The following SGCZ variants were observed in gnomAD, a reference collection of about 807,000 sequenced individuals.
SGCZ encodes zeta-sarcoglycan.
SGCZ carries 40 observed loss-of-function variants against 41.3 expected under a neutral mutation model. That is an observed-to-expected ratio of 0.97 (90% CI 0.75 to 1.26). The LOEUF (loss-of-function observed/expected upper bound fraction) is 1.26. Among genes scored for constraint, SGCZ ranks in the 50% most tolerant of loss-of-function variants. SGCZ has a pLI of 0.00. For missense variants in SGCZ, 552 were observed against 369.8 expected, an observed-to-expected ratio of 1.49 and a Z score of -4.04; for synonymous variants, 206 against 137.5, an observed-to-expected ratio of 1.50 and a Z score of -3.49.
At chr8:14,353,794 T>C (rs1021971897) in intron 2 of SGCZ, among the ~76,000 whole-genome samples, 1 of 152,094 alleles carries the variant, frequency 6.6e-6, no homozygotes, top group Non-Finnish European at 1.5e-5. Flanking sequence ...CTTTAAAATG[T>C]TCTCCTAGAG....
intron 2 of SGCZ, among the ~76,000 whole-genome samples, chr8:14,483,024 G>A (rs1226935259): frequency 6.6e-6 from 1 of 151,884 alleles, no homozygotes; most frequent in Non-Finnish European, 1.5e-5. Flanking sequence ...TATTGCTTCT[G>A]TTTTCTCTAG....
intron 1 of SGCZ, among the ~76,000 whole-genome samples, chr8:15,095,197 C>A (rs944521853): frequency 8.5e-5 from 13 of 152,136 alleles, no homozygotes; most frequent in Non-Finnish European, 1.8e-4. Context: ...CTCCCGGGTT[C>A]AAGCGACTCT....
chr8:14,996,265 A>G (rs1802214468), intron 1 of SGCZ, among the ~76,000 whole-genome samples: 1 of 152,194 alleles, frequency 6.6e-6, no homozygotes, highest in Admixed American at 6.5e-5. Context: ...AAAATGCAGC[A>G]TTCTGAACCG....
rs538813099 is a variant in SGCZ, at chr8:14,221,156, C to T, written c.424+16436G>A. On this transcript the variant is annotated intron_variant, in intron 4 of 7. Coordinates refer to ENST00000382080, the MANE Select transcript of SGCZ (RefSeq NM_139167.4). ...TCAAAATGTACATAAAATCTATAAG[C>T]AATGTCTTATGTGTGTATGTCATTG... 5.9e-5 allele frequency among the ~76,000 whole-genome samples: 9 copies of T among 152,238 alleles called. No individual in the cohort carries two copies. In the East Asian group the frequency reaches 1.7e-3, roughly 29 times the overall value.
At chr8:14,346,233 C>T (rs1050265609) in intron 2 of SGCZ, among the ~76,000 whole-genome samples, 1 of 151,984 alleles carries the variant, frequency 6.6e-6, no homozygotes, top group African/African-American at 2.4e-5. Flanking sequence ...TTTGTACATT[C>T]TGCTCATTTT....
chr8:14,322,153 T>C (rs1244123610), intron 3 of SGCZ, among the ~76,000 whole-genome samples: 2 of 152,168 alleles, frequency 1.3e-5, no homozygotes, highest in African/African-American at 4.8e-5. Flanking sequence ...GAAGTGTATG[T>C]GCAGAGAATT....
rs554792936 is a variant in SGCZ at position 14,592,541 on chromosome 8, A to G, written c.40-37615T>C. Among the ~76,000 whole-genome samples, 51 of 152,102 alleles carry G rather than the reference A, an allele frequency of 3.4e-4. 1 individual carries two copies. Among genetic ancestry groups the G allele is most frequent in the African/African-American group, 1.2e-3 (48 of 41,508 alleles). ...TTTTTCATCAGCCTTGGTATATCTC[A>G]TGCATATTATTGAGTCTTAAAACAC... On this transcript the variant is annotated intron_variant, in intron 1 of 7. Transcript: ENST00000382080.
At chr8:14,279,731 T>C (rs1225869783) in intron 3 of SGCZ, among the ~76,000 whole-genome samples, 1 of 152,034 alleles carries the variant, frequency 6.6e-6, no homozygotes, top group African/African-American at 2.4e-5. Context: ...AATTCCAGCC[T>C]CTAAAAAGTA....
At chr8:14,405,722 A>G (rs1799193945) in intron 2 of SGCZ, among the ~76,000 whole-genome samples, 1 of 152,204 alleles carries the variant, frequency 6.6e-6, no homozygotes, top group Admixed American at 6.5e-5. Context: ...GTGATTTCAA[A>G]TTATATTGTA....
At chr8:14,241,438 TAA>T (rs1798886131) in intron 3 of SGCZ, among the ~76,000 whole-genome samples, 1 of 148,452 alleles carries the variant, frequency 6.7e-6, no homozygotes, top group Admixed American at 6.8e-5. Flanking sequence ...TAAGCTAGTA[TAA>T]ATATATAAAC....
chr8:14,637,614 C>A (rs1436067935), intron 1 of SGCZ, among the ~76,000 whole-genome samples: 2 of 151,794 alleles, frequency 1.3e-5, no homozygotes, highest in African/African-American at 4.8e-5. Context: ...AGGATAATGG[C>A]ATCCAGCTGC....
At chr8:14,256,040 G>A (rs936411174) in intron 3 of SGCZ, among the ~76,000 whole-genome samples, 2 of 152,076 alleles carry the variant, frequency 1.3e-5, no homozygotes, top group Admixed American at 1.3e-4. Context: ...GTAAAACTAA[G>A]TGATTGCTTG....
chr8:15,097,851 TATATACGTGTGTGTGTA>T (rs1806422813), intron 1 of SGCZ, among the ~76,000 whole-genome samples: 1 of 8,862 alleles, frequency 1.1e-4, no homozygotes, highest in Admixed American at 1.7e-3. Flanking sequence ...TGTATATATA[TATATACGTGTGTGTGTA>T]TATATATATA....
At chr8:14,979,158 A>C (rs1801582810) in intron 1 of SGCZ, among the ~76,000 whole-genome samples, 1 of 152,222 alleles carries the variant, frequency 6.6e-6, no homozygotes, top group Admixed American at 6.5e-5. Flanking sequence ...AAATATTAAA[A>C]ATTATGAATA....
chr8:15,116,126 A>C (rs991325756), intron 1 of SGCZ, among the ~76,000 whole-genome samples: 2 of 152,204 alleles, frequency 1.3e-5, no homozygotes, highest in Non-Finnish European at 2.9e-5. Context: ...GTCTGCAGCC[A>C]TTAGTTTGCC....
At chr8:14,210,820 A>C (rs558842693) in intron 4 of SGCZ, among the ~76,000 whole-genome samples, 1 of 152,262 alleles carries the variant, frequency 6.6e-6, no homozygotes, top group African/African-American at 2.4e-5. Flanking sequence ...CTATTTGCCA[A>C]AGATTGTTCT....
chr8:14,892,747 T>C (rs1421567781), intron 1 of SGCZ, among the ~76,000 whole-genome samples: 1 of 152,206 alleles, frequency 6.6e-6, no homozygotes, highest in African/African-American at 2.4e-5. Context: ...AACATGGTCA[T>C]CACCATTAAA....
At chr8:14,153,287 G>C (rs539667616) in intron 5 of SGCZ, among the ~76,000 whole-genome samples, 1 of 152,096 alleles carries the variant, frequency 6.6e-6, no homozygotes, top group African/African-American at 2.4e-5. Context: ...ATAAACTCAG[G>C]ATTTGGGGAC....
At chr8:14,364,213 G>C (rs888697892) in intron 2 of SGCZ, among the ~76,000 whole-genome samples, 7 of 100,738 alleles carry the variant, frequency 6.9e-5, no homozygotes, top group Non-Finnish European at 1.5e-4. Flanking sequence ...AATTAACTTA[G>C]AGCTTTTAAT....
Sources: allele counts gnomAD v4.1 joint callset (sites outside exome capture counted in the v4.1 genomes callset), GRCh38; gene constraint gnomAD v4.1.1; transcripts MANE v1.5; gene names NCBI Gene and HGNC (gene_info 2026-07-23, HGNC 2026-07-21).